The following STK32B variants were observed in gnomAD, a reference collection of about 807,000 sequenced individuals.
STK32B encodes serine/threonine-protein kinase 32B.
In STK32B, 43 loss-of-function variants were observed where a neutral mutation model predicts 52.6. That is an observed-to-expected ratio of 0.82 (90% confidence interval 0.64 to 1.05). The LOEUF (loss-of-function observed/expected upper bound fraction) is 1.05. Among genes scored for constraint, STK32B ranks in the 50% least tolerant of loss-of-function variants. STK32B has a pLI of 0.00. For missense variants in STK32B, 621 were observed against 534.6 expected, an observed-to-expected ratio of 1.16 and a Z score of -1.59; for synonymous variants, 238 against 204.3, an observed-to-expected ratio of 1.17 and a Z score of -1.41.
intron 6 of STK32B, among the ~76,000 whole-genome samples, chr4:5,434,659 G>A (rs1188760796): frequency 6.6e-5 from 10 of 152,046 alleles, no homozygotes; most frequent in Non-Finnish European, 1.5e-4. Flanking sequence ...TTTGCTTCCC[G>A]AAATGGAGGT....
At chr4:5,188,851 T>C (rs13150956) in intron 3 of STK32B, among the ~76,000 whole-genome samples, 43,298 of 116,782 alleles carry the variant, frequency 0.37, 7,313 homozygotes, top group East Asian at 0.56. Context: ...CATCACACAC[T>C]GGGGCCTGTC....
intron 3 of STK32B, among the ~76,000 whole-genome samples, chr4:5,281,856 C>T: frequency 6.6e-6 from 1 of 152,060 alleles, no homozygotes; most frequent in Non-Finnish European, 1.5e-5. Flanking sequence ...TGGATAATGG[C>T]TATACCATTT....
intron 3 of STK32B, among the ~76,000 whole-genome samples, chr4:5,243,246 C>A (rs370151754): frequency 6.6e-6 from 1 of 152,018 alleles, no homozygotes; most frequent in Non-Finnish European, 1.5e-5. Flanking sequence ...TATCCTCTTT[C>A]ATTTCATTGA....
At chr4:5,354,458 G>T (rs527756408) in intron 4 of STK32B, among the ~76,000 whole-genome samples, 1 of 152,286 alleles carries the variant, frequency 6.6e-6, no homozygotes, top group South Asian at 2.1e-4. Flanking sequence ...TACAGACAAG[G>T]TTTTGCCATG....
chr4:5,309,465 C>G (rs1240050171), intron 3 of STK32B, among the ~76,000 whole-genome samples: 1 of 152,162 alleles, frequency 6.6e-6, no homozygotes, highest in African/African-American at 2.4e-5. Flanking sequence ...TTGGAGGTAT[C>G]ACACTACCAG....
At chr4:5,415,776 C>T (rs564252399) in intron 5 of STK32B, among the ~76,000 whole-genome samples, 54 of 152,302 alleles carry the variant, frequency 3.5e-4, no homozygotes, top group African/African-American at 1.3e-3. Context: ...GTATGTTAAA[C>T]TGCTGGTGCT....
Position 5,433,218 on chromosome 4 carries a change from T to C in STK32B, c.563-13455T>C, listed in dbSNP as rs1369013307. 2.0e-5 allele frequency among the ~76,000 whole-genome samples: 3 copies of C among 151,780 alleles called. No individual in the cohort carries two copies. The East Asian group carries it at 5.8e-4, about 29-fold the overall frequency. The stretch of plus-strand genomic sequence containing the variant: ...AGTTTCTGGAAGGGAAAATAAGTCT[T>C]GGTGACCAATCAAATGGTCAAATAC... On this transcript the variant is annotated intron_variant, in intron 6 of 11. Transcript: ENST00000282908.
intron 2 of STK32B, among the ~76,000 whole-genome samples, chr4:5,154,351 G>C (rs1190855491): frequency 3.3e-5 from 5 of 152,008 alleles, no homozygotes; most frequent in Non-Finnish European, 7.4e-5. Flanking sequence ...AAGTAGCTGA[G>C]ATTAGAGGCA....
At chr4:5,049,677 T>C (rs1741687144), upstream of STK32B, among the ~76,000 whole-genome samples, 2 of 152,200 alleles carry the variant, frequency 1.3e-5, no homozygotes, top group African/African-American at 2.4e-5. Flanking sequence ...TCAGGCCATC[T>C]GGATGTATAT....
At chr4:5,183,782 C>T (rs1053918109) in intron 3 of STK32B, among the ~76,000 whole-genome samples, 6 of 152,218 alleles carry the variant, frequency 3.9e-5, no homozygotes, top group Non-Finnish European at 7.3e-5. Context: ...CTTCACTTTG[C>T]ATTTTTATGT....
intron 5 of STK32B, among the ~76,000 whole-genome samples, chr4:5,406,904 A>G (rs1043676095): frequency 3.2e-4 from 48 of 152,086 alleles, no homozygotes; most frequent in Non-Finnish European, 6.3e-4. Flanking sequence ...TTTTACTCAT[A>G]CAAATTTCTG....
intron 6 of STK32B, among the ~76,000 whole-genome samples, chr4:5,428,984 G>A (rs760022871): frequency 5.9e-5 from 9 of 152,146 alleles, no homozygotes; most frequent in Non-Finnish European, 1.3e-4. Context: ...CTCTGGTAAA[G>A]AATAAACAAA....
At chr4:5,184,703 AG>A (rs960022414) in intron 3 of STK32B, among the ~76,000 whole-genome samples, 2 of 150,364 alleles carry the variant, frequency 1.3e-5, no homozygotes, top group Non-Finnish European at 3.0e-5. Flanking sequence ...AAAAAGAAGA[AG>A]AAGAAGAAAA....
intron 1 of STK32B, among the ~76,000 whole-genome samples, chr4:5,052,754 G>A (rs1049563605): frequency 2.0e-5 from 3 of 152,160 alleles, no homozygotes; most frequent in Non-Finnish European, 4.4e-5. Flanking sequence ...ACCGAGCTGT[G>A]CCGTTTTTTA....
intron 2 of STK32B, among the ~76,000 whole-genome samples, chr4:5,152,665 G>A (rs76739058): frequency 0.034 from 5,232 of 152,340 alleles, 152 homozygotes; most frequent in East Asian, 0.085. Flanking sequence ...GTTCTCATTC[G>A]GTGACAGTGG....
At chr4:5,315,682 C>CTTTTTT (rs199584251) in intron 3 of STK32B, among the ~76,000 whole-genome samples, 6 of 120,524 alleles carry the variant, frequency 5.0e-5, no homozygotes, top group East Asian at 2.3e-4. Context: ...TTTTCTTTTT[C>CTTTTTT]TTTTTTTTTT....
chr4:5,243,385 T>C (rs1433151316), intron 3 of STK32B, among the ~76,000 whole-genome samples: 2 of 152,178 alleles, frequency 1.3e-5, no homozygotes. Context: ...TGTTTGTCTG[T>C]TATTGGTGTA....
intron 1 of STK32B, among the ~76,000 whole-genome samples, chr4:5,129,326 T>A (rs1322282600): frequency 6.6e-6 from 1 of 152,212 alleles, no homozygotes; most frequent in African/African-American, 2.4e-5. Context: ...CTAGGTCTGT[T>A]AACGTCCAAA....
At chr4:5,065,816 C>A (rs1742398716) in intron 1 of STK32B, among the ~76,000 whole-genome samples, 1 of 152,120 alleles carries the variant, frequency 6.6e-6, no homozygotes, top group African/African-American at 2.4e-5. Flanking sequence ...CTCTGCCTCC[C>A]AGTTTCAAGC....
Sources: allele counts gnomAD v4.1 joint callset (sites outside exome capture counted in the v4.1 genomes callset), GRCh38; gene constraint gnomAD v4.1.1; transcripts MANE v1.5; gene names NCBI Gene and HGNC (gene_info 2026-07-23, HGNC 2026-07-21).